The following TAFA1 variants were observed in gnomAD, a reference collection of about 807,000 sequenced individuals.
TAFA1 encodes the protein chemokine-like protein TAFA-1.
TAFA1 carries 4 observed loss-of-function variants against 18.5 expected under a neutral mutation model. The observed-to-expected ratio is 0.22, with a 90% CI of 0.11 to 0.49. The LOEUF (loss-of-function observed/expected upper bound fraction) is 0.49, where lower values mean the gene tolerates loss of function less well. Ranked by LOEUF, TAFA1 falls within the 20% of genes least tolerant of loss-of-function variation. The pLI is 0.98. For missense variants in TAFA1, 147 were observed against 169.0 expected (o/e 0.87, Z 0.72); for synonymous variants, 56 against 55.2 (o/e 1.01, Z -0.06).
chr3:68,002,242 G>C (rs1380891272), upstream of TAFA1, among the ~76,000 whole-genome samples: 1 of 152,174 alleles, frequency 6.6e-6, no homozygotes, highest in Non-Finnish European at 1.5e-5. Flanking sequence ...GAAAAAAATA[G>C]AACTATGCTA....
intron 2 of TAFA1, among the ~76,000 whole-genome samples, chr3:68,208,412 T>A (rs950189322): frequency 6.6e-6 from 1 of 151,980 alleles, no homozygotes; most frequent in African/African-American, 2.4e-5. Flanking sequence ...ACTTCTGGGA[T>A]GCATTTTCTG....
intron 3 of TAFA1, among the ~76,000 whole-genome samples, chr3:68,526,077 G>A (rs1348217133): frequency 7.2e-5 from 11 of 152,156 alleles, no homozygotes; most frequent in Admixed American, 5.2e-4. Flanking sequence ...TGAGTTCAGA[G>A]TTAAGAGACA....
At chr3:68,132,073 C>G (rs2106883519) in intron 2 of TAFA1, among the ~76,000 whole-genome samples, 1 of 152,256 alleles carries the variant, frequency 6.6e-6, no homozygotes, top group African/African-American at 2.4e-5. Flanking sequence ...ATGTTCCTCT[C>G]TCTGTGTCCA....
chr3:68,003,247 C>T (rs1006136141), upstream of TAFA1, among the ~76,000 whole-genome samples: 2 of 152,210 alleles, frequency 1.3e-5, no homozygotes, highest in East Asian at 3.8e-4. Flanking sequence ...CTGTGTGTAA[C>T]ATGAGAAAAC....
chr3:68,050,477 C>T (rs964457788), intron 2 of TAFA1, among the ~76,000 whole-genome samples: 1 of 152,108 alleles, frequency 6.6e-6, no homozygotes, highest in African/African-American at 2.4e-5. Flanking sequence ...CCATCGTCTG[C>T]TATGGCACGT....
chr3:68,002,854 T>C (rs79967133), upstream of TAFA1, among the ~76,000 whole-genome samples: 6,933 of 152,268 alleles, frequency 0.046, 251 homozygotes, highest in East Asian at 0.1. Flanking sequence ...ATAATACTTA[T>C]CTTGTGGGGT....
intron 2 of TAFA1, among the ~76,000 whole-genome samples, chr3:68,099,590 A>G (rs1443206081): frequency 6.6e-6 from 1 of 152,152 alleles, no homozygotes; most frequent in Non-Finnish European, 1.5e-5. Context: ...CTGTTTGGCA[A>G]TTTCTCAAAG....
intron 2 of TAFA1, among the ~76,000 whole-genome samples, chr3:68,393,880 A>G (rs928421294): frequency 2.0e-5 from 3 of 152,202 alleles, no homozygotes; most frequent in African/African-American, 4.8e-5. Flanking sequence ...AATAAGAGCT[A>G]TTTATGACAA....
intron 2 of TAFA1, among the ~76,000 whole-genome samples, chr3:68,351,355 T>G (rs1321485775): frequency 6.6e-6 from 1 of 152,072 alleles, no homozygotes; most frequent in Admixed American, 6.6e-5. Flanking sequence ...CCAAGACGAT[T>G]GTTGGAATCA....
Position 68,236,230 on chromosome 3 carries a change from A to G in TAFA1, c.119-181050A>G, listed in dbSNP as rs143009908. ...AAAGGTGGACATTCTGAGCCATTTCATTATTCATACCTCTAGTTTCCCAAG... is the reference window on the plus strand; with the variant it reads ...AAAGGTGGACATTCTGAGCCATTTCGTTATTCATACCTCTAGTTTCCCAAG... On this transcript the variant is annotated intron_variant, in intron 2 of 4. Transcript: ENST00000478136. Among the ~76,000 whole-genome samples, 416 of 152,344 alleles carry G rather than the reference A, an allele frequency of 2.7e-3. 1 individual carries two copies. Among genetic ancestry groups the G allele is most frequent in the Non-Finnish European group, 4.4e-3 (298 of 68,032 alleles).
At chr3:68,155,863 G>A (rs1440195141) in intron 2 of TAFA1, among the ~76,000 whole-genome samples, 1 of 152,068 alleles carries the variant, frequency 6.6e-6, no homozygotes, top group Non-Finnish European at 1.5e-5. Context: ...ACAGCTTAAA[G>A]TTATATAATT....
At chr3:68,464,904 C>T (rs1254363954) in intron 3 of TAFA1, among the ~76,000 whole-genome samples, 1 of 152,074 alleles carries the variant, frequency 6.6e-6, no homozygotes, top group Non-Finnish European at 1.5e-5. Flanking sequence ...ACTTTAACTG[C>T]TGAGGCAGAT....
rs114969463 is a variant in TAFA1, at chr3:68,480,982, G to A, written c.260-57774G>A. Among the ~76,000 whole-genome samples, 958 of 152,126 alleles carry A rather than the reference G, an allele frequency of 6.3e-3. 12 individuals are homozygous for A. The highest frequency in any genetic ancestry group is 0.021 in the African/African-American group (877 of 41,426). ...GTTCTCTCGTTCTCTCTTCCCTGCC[G>A]TCATGTAAGATGTGACTTGCTCCTC... On this transcript the variant is annotated intron_variant, in intron 3 of 4. Transcript: ENST00000478136.
intron 4 of TAFA1, among the ~76,000 whole-genome samples, chr3:68,541,472 TACTC>T (rs1404105892): frequency 3.3e-5 from 5 of 152,202 alleles, no homozygotes; most frequent in Admixed American, 1.3e-4. Context: ...CAAATATGCT[TACTC>T]ACTTCAAATA....
chr3:68,146,476 C>T (rs1279176084), intron 2 of TAFA1, among the ~76,000 whole-genome samples: 1 of 152,198 alleles, frequency 6.6e-6, no homozygotes, highest in Non-Finnish European at 1.5e-5. Context: ...AGGAGATGTT[C>T]AACACCCAAA....
intron 3 of TAFA1, among the ~76,000 whole-genome samples, chr3:68,506,746 C>T (rs550332461): frequency 1.3e-5 from 2 of 152,002 alleles, no homozygotes; most frequent in South Asian, 4.1e-4. Flanking sequence ...AGCTGAGAAC[C>T]TAACAATGCC....
At chr3:68,482,776 C>T (rs544974783) in intron 3 of TAFA1, among the ~76,000 whole-genome samples, 143 of 152,228 alleles carry the variant, frequency 9.4e-4, no homozygotes, top group African/African-American at 3.3e-3. Flanking sequence ...TCAGGCCTTT[C>T]GGAGCTCCTG....
intron 2 of TAFA1, among the ~76,000 whole-genome samples, chr3:68,281,766 AG>A (rs1194310442): frequency 1.3e-5 from 2 of 152,058 alleles, no homozygotes; most frequent in Admixed American, 6.6e-5. Flanking sequence ...TCCCATGGGA[AG>A]TTTTTACATT....
chr3:68,154,365 A>G (rs1430750148), intron 2 of TAFA1, among the ~76,000 whole-genome samples: 1 of 152,198 alleles, frequency 6.6e-6, no homozygotes, highest in Non-Finnish European at 1.5e-5. Context: ...GGGAAAACTG[A>G]TAAATGTAAT....
Sources: gnomAD v4.1 joint callset for allele counts (sites outside exome capture counted in the v4.1 genomes callset) on GRCh38, gnomAD v4.1.1 for gene constraint, MANE v1.5 for transcripts, NCBI Gene and HGNC (gene_info 2026-07-23, HGNC 2026-07-21) for gene names.